The following SMARCAL1 variants were observed in gnomAD, a reference collection of about 807,000 sequenced individuals.
SMARCAL1 encodes the protein SNF2 related chromatin remodeling annealing helicase 1.
In SMARCAL1, 58 loss-of-function variants were observed where a neutral mutation model predicts 94.5. That is an observed-to-expected ratio of 0.61 (90% CI 0.50 to 0.76). SMARCAL1 has a LOEUF of 0.76. Among genes scored for constraint, SMARCAL1 ranks in the 30% least tolerant of loss-of-function variants. The probability of loss-of-function intolerance (pLI) is 0.00; values close to 1 mark genes in which losing one functional copy is unlikely to be tolerated. For synonymous variants in SMARCAL1, 422 were observed against 455.1 expected (o/e 0.93, Z 0.93); for missense variants, 1,051 against 1,177.9 (o/e 0.89, Z 1.58).
intron 12 of SMARCAL1, among the ~76,000 whole-genome samples, chr2:216,459,596 A>G (rs1328583636): frequency 6.6e-6 from 1 of 152,000 alleles, no homozygotes; most frequent in Non-Finnish European, 1.5e-5. Context: ...AGGATTCCCT[A>G]TTTAACAAAT....
intron 12 of SMARCAL1, among the ~76,000 whole-genome samples, chr2:216,458,027 C>T (rs1361998795): frequency 6.6e-6 from 1 of 152,132 alleles, no homozygotes; most frequent in Non-Finnish European, 1.5e-5. Context: ...CACAGAAATA[C>T]AAACTACCAT....
chr2:216,467,036 G>GCTTA (rs1355610964), intron 13 of SMARCAL1, among the ~76,000 whole-genome samples: 14 of 152,144 alleles, frequency 9.2e-5, no homozygotes, highest in African/African-American at 3.4e-4. Context: ...CCTGTACTGG[G>GCTTA]CTTACCTCTT....
intron 9 of SMARCAL1, 99 bp downstream of exon 9, chr2:216,435,595 AT>A: frequency 9.3e-7 from 1 of 1,072,966 alleles, no homozygotes; most frequent in Non-Finnish European, 1.4e-6. Context: ...CTTGAGCCCC[AT>A]TTAGTTTCTA....
At chr2:216,453,010 G>A (rs1468341101) in intron 12 of SMARCAL1, among the ~76,000 whole-genome samples, 1 of 152,168 alleles carries the variant, frequency 6.6e-6, no homozygotes, top group Non-Finnish European at 1.5e-5. Context: ...TAGAAACGGA[G>A]CCACAACTCC....
At chr2:216,422,805 A>G (rs991169668) in intron 5 of SMARCAL1, among the ~76,000 whole-genome samples, 1 of 152,220 alleles carries the variant, frequency 6.6e-6, no homozygotes, top group Non-Finnish European at 1.5e-5. Flanking sequence ...TTGATTTTTC[A>G]AAAGATAGAT....
chr2:216,481,441 C>T (rs1173043942), intron 17 of SMARCAL1, among the ~76,000 whole-genome samples: 1 of 152,042 alleles, frequency 6.6e-6, no homozygotes, highest in African/African-American at 2.4e-5. Flanking sequence ...GATGATCCCC[C>T]CGCCTCGGCC....
At chr2:216,435,518 TTAAG>T (rs781768639) in intron 9 of SMARCAL1, 22 bp downstream of exon 9, 1 of 1,605,380 alleles carries the variant, frequency 6.2e-7, no homozygotes, top group East Asian at 2.2e-5. Context: ...GGCAAAGTCT[TTAAG>T]TACTTTATCT....
intron 13 of SMARCAL1, 24 bp downstream of exon 13, chr2:216,464,691 CT>C: frequency 7.9e-7 from 1 of 1,269,222 alleles, no homozygotes; most frequent in Non-Finnish European, 1.1e-6. Flanking sequence ...AAGTGTCGAC[CT>C]CTCTCTCTCT....
chr2:216,466,989 C>T (rs1004972124), intron 13 of SMARCAL1, among the ~76,000 whole-genome samples: 1 of 152,172 alleles, frequency 6.6e-6, no homozygotes, highest in Non-Finnish European at 1.5e-5. Context: ...CAGACGCACC[C>T]ATGGCTGGCA....
At chr2:216,463,069 G>T (rs1218202415) in intron 12 of SMARCAL1, among the ~76,000 whole-genome samples, 1 of 152,168 alleles carries the variant, frequency 6.6e-6, no homozygotes, top group Non-Finnish European at 1.5e-5. Context: ...GGTACAGTCT[G>T]GCTGTGGTTG....
Position 216,441,143 on chromosome 2 carries a change from T to C in SMARCAL1, c.1710+2658T>C, listed in dbSNP as rs1376543179. On this transcript the variant is annotated intron_variant, in intron 10 of 17. Coordinates refer to ENST00000357276, the MANE Select transcript of SMARCAL1 (RefSeq NM_014140.4). ...TCTGATAATTAATATTACAAGCATA[T>C]TTTCAGCAAATAGGCATAATGAGGT... Among the ~76,000 whole-genome samples the C allele has an allele frequency of 2.6e-5, 4 of 152,340 alleles. No homozygotes were observed. The East Asian group carries it at 7.7e-4, about 29-fold the overall frequency.
chr2:216,440,043 A>G (rs373283539), intron 10 of SMARCAL1, among the ~76,000 whole-genome samples: 4 of 113,706 alleles, frequency 3.5e-5, no homozygotes, highest in African/African-American at 2.1e-4. Context: ...CTCTGTCTCA[A>G]AAAAAGAAAA....
chr2:216,456,314 G>A (rs1468838902), intron 12 of SMARCAL1, among the ~76,000 whole-genome samples: 1 of 152,174 alleles, frequency 6.6e-6, no homozygotes, highest in Non-Finnish European at 1.5e-5. Flanking sequence ...AGCAAGGCAG[G>A]CCAACATTCA....
chr2:216,415,056 G>A lies in SMARCAL1; in HGVS notation c.352G>A (p.Ala118Thr). The part of the protein sequence containing the change: ...CPGHSPRSQM[A>T]LTGISPPLAQ... ...AGGCCACAGTCCACGTAGTCAAATG[G>A]CTCTCACTGGAATCTCTCCTCCCTT... Residue 118 changes from alanine (A) to threonine (T), a missense_variant, in exon 3 of 18, where the codon GCT becomes ACT. By Grantham distance (58) the Ala-to-Thr change is moderately conservative (BLOSUM62 0). Around this residue, in one of 3 missense-constraint regions of SMARCAL1, gnomAD observed 398 missense variants for 395.2 expected, o/e 1.01. Coordinates refer to ENST00000357276, the MANE Select transcript of SMARCAL1 (RefSeq NM_014140.4). 6.2e-7 allele frequency: 1 copy of A among 1,614,178 alleles called. No homozygotes were observed. The highest frequency in any genetic ancestry group is 8.5e-7 in the Non-Finnish European group (1 of 1,180,040).
chr2:216,447,265 C>A, intron 11 of SMARCAL1, 107 bp downstream of exon 11: 1 of 1,350,260 alleles, frequency 7.4e-7, no homozygotes. Flanking sequence ...AGAGCACTGG[C>A]CAGGGGAATG....
intron 12 of SMARCAL1, among the ~76,000 whole-genome samples, chr2:216,453,111 CAGTGTT>C (rs1694485481): frequency 6.6e-6 from 1 of 152,198 alleles, no homozygotes; most frequent in Admixed American, 6.5e-5. Flanking sequence ...GTAAACACCA[CAGTGTT>C]AACTCCATTT....
intron 10 of SMARCAL1, among the ~76,000 whole-genome samples, chr2:216,445,742 A>G (rs899705630): frequency 1.3e-5 from 2 of 152,218 alleles, no homozygotes; most frequent in African/African-American, 4.8e-5. Context: ...ACTGTGGAAA[A>G]TTATAGCTGG....
At chr2:216,425,862 G>A (rs1217480908) in intron 6 of SMARCAL1, among the ~76,000 whole-genome samples, 1 of 152,146 alleles carries the variant, frequency 6.6e-6, no homozygotes, top group African/African-American at 2.4e-5. Flanking sequence ...TTCTTATTCT[G>A]GGTTGTGGAC....
intron 17 of SMARCAL1, among the ~76,000 whole-genome samples, chr2:216,481,361 A>G (rs1269769841): frequency 6.6e-6 from 1 of 151,222 alleles, no homozygotes; most frequent in Admixed American, 6.6e-5. Context: ...CACCCGGCCA[A>G]TTTTCTGTAT....
Sources: gnomAD v4.1 joint callset for allele counts (sites outside exome capture counted in the v4.1 genomes callset) on GRCh38, gnomAD v4.1.1 for gene constraint, gnomAD v4.1.1 regional missense constraint, MANE v1.5 for transcripts, NCBI Gene and HGNC (gene_info 2026-07-23, HGNC 2026-07-21) for gene names.